The following HELZ variants were observed in gnomAD, a reference collection of about 807,000 sequenced individuals.
HELZ encodes the protein helicase with zinc finger.
In HELZ, 23 loss-of-function variants were observed where a neutral mutation model predicts 218.2. That is an observed-to-expected ratio of 0.11 (90% CI 0.08 to 0.15). The LOEUF is 0.15. Ranked by LOEUF, HELZ falls within the 10% of genes least tolerant of loss-of-function variation. The probability of loss-of-function intolerance (pLI) is 1.00; values close to 1 mark genes in which losing one functional copy is unlikely to be tolerated. For synonymous variants in HELZ, 814 were observed against 829.4 expected (o/e 0.98, Z 0.32); for missense variants, 1,813 against 2,353.7 (o/e 0.77, Z 4.75).
At chr17:67,197,783 T>C (rs951686112) in intron 7 of HELZ, among the ~76,000 whole-genome samples, 2 of 152,238 alleles carry the variant, frequency 1.3e-5, no homozygotes, top group African/African-American at 4.8e-5. Flanking sequence ...CTTTTTAGGT[T>C]GGGCTTGAAC....
intron 2 of HELZ, among the ~76,000 whole-genome samples, chr17:67,242,375 G>A (rs1279214167): frequency 6.8e-6 from 1 of 146,752 alleles, no homozygotes; most frequent in Non-Finnish European, 1.5e-5. Context: ...TCGCGTCATT[G>A]CACTCCAGCC....
intron 2 of HELZ, among the ~76,000 whole-genome samples, chr17:67,241,787 A>G (rs1019435863): frequency 6.6e-6 from 1 of 152,262 alleles, no homozygotes; most frequent in African/African-American, 2.4e-5. Context: ...CCAAAAGGAC[A>G]GACTAAAAAA....
chr17:67,095,151 C>G (rs1375961092), intron 31 of HELZ, among the ~76,000 whole-genome samples: 16 of 152,180 alleles, frequency 1.1e-4, no homozygotes, highest in Non-Finnish European at 2.4e-4. Flanking sequence ...ATCCTTTGAA[C>G]TCCTTTGTTG....
At chr17:67,220,232 G>A (rs956660611) in intron 3 of HELZ, among the ~76,000 whole-genome samples, 16 of 152,162 alleles carry the variant, frequency 1.1e-4, no homozygotes, top group African/African-American at 3.9e-4. Flanking sequence ...TGCAAGATGA[G>A]GGGAGAAAAG....
chr17:67,095,748 T>C (rs2143654290), intron 31 of HELZ, among the ~76,000 whole-genome samples: 1 of 152,342 alleles, frequency 6.6e-6, no homozygotes, highest in East Asian at 1.9e-4. Flanking sequence ...CTCCCGTTCA[T>C]ATTGATATTT....
intron 26 of HELZ, among the ~76,000 whole-genome samples, chr17:67,121,269 C>CTATTATTTTAT (rs1384351071): frequency 6.6e-6 from 1 of 152,114 alleles, no homozygotes; most frequent in Non-Finnish European, 1.5e-5. Flanking sequence ...GCTACTGCTC[C>CTATTATTTTAT]TATTATTTTA....
intron 7 of HELZ, 192 bp downstream of exon 7, chr17:67,200,937 G>A: frequency 1.7e-6 from 1 of 578,740 alleles, no homozygotes; most frequent in Admixed American, 2.8e-5. Context: ...GGAGACATGT[G>A]GAGAAGCAGC....
intron 15 of HELZ, among the ~76,000 whole-genome samples, chr17:67,165,979 T>G: frequency 6.6e-6 from 1 of 152,052 alleles, no homozygotes; most frequent in East Asian, 1.9e-4. Flanking sequence ...AAAAAAAATT[T>G]TTTTTAATCA....
At chr17:67,148,149 G>C (rs1420335787) in intron 20 of HELZ, among the ~76,000 whole-genome samples, 1 of 152,178 alleles carries the variant, frequency 6.6e-6, no homozygotes, top group Admixed American at 6.5e-5. Flanking sequence ...GGGGCCGGGA[G>C]GGGGGCAGTC....
chr17:67,108,739 T>C lies in HELZ; in HGVS notation c.4490-13A>G. ...CCATGTATACGATCTGCAAAAATAT[T>C]TGTGAAAAATTTTTTATGAATTTGG... On this transcript the variant is annotated splice_polypyrimidine_tract_variant and intron_variant, in intron 29 of 32. Coordinates refer to ENST00000358691, the MANE Select transcript of HELZ (RefSeq NM_014877.4). This position sits in a 1 kb window ranked among gnomAD's most constrained non-coding sequence, Gnocchi z 4.1. 1 of 1,537,460 alleles carries C rather than the reference T, an allele frequency of 6.5e-7. No homozygotes were observed.
At position 67,122,174 on chromosome 17, in the gene HELZ, G is replaced by T. The variant is rs191004895; in HGVS notation, c.3630+796C>A. On this transcript the variant is annotated intron_variant, in intron 26 of 32. Coordinates refer to ENST00000358691, the MANE Select transcript of HELZ (RefSeq NM_014877.4). ...TCCCAGTGCTTTGGGAGGCCAAGTC[G>T]GGTGGATCACCTGAGGTCAGGAGTT... 2.2e-3 allele frequency among the ~76,000 whole-genome samples: 328 copies of T among 151,996 alleles called. 1 individual carries two copies. The highest frequency in any genetic ancestry group is 7.4e-3 in the African/African-American group (307 of 41,446).
In HELZ at chr17:67,128,785, T is replaced by G. The variant is rs1471182892; in HGVS notation, c.3253A>C (p.Ile1085Leu). 6.2e-7 allele frequency: 1 copy of G among 1,613,980 alleles called. No individual in the cohort carries two copies. Among genetic ancestry groups the G allele is most frequent in the African/African-American group, 1.3e-5 (1 of 74,918 alleles). ...TCTAAAGCCTCTAACTGGGCTTTGA[T>G]CTGTTCAAAAGTGATTCCATGTAGG... ...SSLHGITFEQ[I>L]KAQLEALELK... The change falls in exon 24 of 33, where the codon ATC (isoleucine) becomes CTC (leucine). Residue 1085 changes from isoleucine to leucine, a missense_variant. Physicochemically the swap from Ile to Leu is conservative, Grantham distance 5. Around this residue, in one of 4 missense-constraint regions of HELZ, gnomAD observed 156 missense variants for 274.4 expected, o/e 0.57. Transcript: ENST00000358691.
At chr17:67,235,977 G>A (rs748789832) in intron 3 of HELZ, among the ~76,000 whole-genome samples, 1 of 152,036 alleles carries the variant, frequency 6.6e-6, no homozygotes, top group East Asian at 1.9e-4. Context: ...AGCCAGGATG[G>A]TCTCGATCTC....
rs529031422 is a variant in HELZ, at chr17:67,127,927, G to A, written c.3387+724C>T. ...TTCTTATTGGTAACTTTAATATGCT[G>A]ATGATTATAAATATCAAAGAAAAAA... On this transcript the variant is annotated intron_variant, in intron 24 of 32. Transcript: ENST00000358691. Among the ~76,000 whole-genome samples, 20 of 151,900 alleles carry A rather than the reference G, an allele frequency of 1.3e-4. No homozygotes were observed. In the South Asian group the frequency reaches 3.7e-3, roughly 28 times the overall value.
chr17:67,193,398 G>A (rs1248128481), intron 9 of HELZ, among the ~76,000 whole-genome samples: 3 of 150,148 alleles, frequency 2.0e-5, no homozygotes, highest in African/African-American at 7.4e-5. Context: ...ATTAAGTTCA[G>A]CCATAATAAT....
At chr17:67,206,881 G>A (rs2040312803) in intron 5 of HELZ, among the ~76,000 whole-genome samples, 1 of 151,408 alleles carries the variant, frequency 6.6e-6, no homozygotes, top group South Asian at 2.1e-4. Context: ...TTACAGGCGT[G>A]AGCCACTATG....
At chr17:67,235,491 C>T (rs894897131) in intron 3 of HELZ, among the ~76,000 whole-genome samples, 3 of 148,952 alleles carry the variant, frequency 2.0e-5, no homozygotes, top group African/African-American at 5.0e-5. Flanking sequence ...GGCAACAGAG[C>T]GAGACTCCCT....
intron 3 of HELZ, among the ~76,000 whole-genome samples, chr17:67,220,460 C>T (rs1241843286): frequency 1.3e-5 from 2 of 152,162 alleles, no homozygotes; most frequent in Non-Finnish European, 2.9e-5. Flanking sequence ...ACATTCCCTA[C>T]TTTTCTCAGT....
intron 12 of HELZ, among the ~76,000 whole-genome samples, chr17:67,185,746 C>G (rs1486324481): frequency 1.3e-5 from 2 of 151,944 alleles, no homozygotes; most frequent in Admixed American, 6.6e-5. Context: ...CAAGAAAATG[C>G]TTAAGTTTTT....
Sources: allele counts gnomAD v4.1 joint callset (sites outside exome capture counted in the v4.1 genomes callset), GRCh38; gene constraint gnomAD v4.1.1; regional missense constraint gnomAD v4.1.1; non-coding constraint Gnocchi (gnomAD v3.1); transcripts MANE v1.5; gene names NCBI Gene and HGNC (gene_info 2026-07-23, HGNC 2026-07-21).